MICU1: variants seen among roughly 807,000 people sequenced by gnomAD.
MICU1 encodes the protein calcium uptake protein 1, mitochondrial.
Under a neutral mutation model 56.8 loss-of-function variants are expected in MICU1, and 45 were observed. The ratio of observed to expected loss-of-function variants is 0.79; its 90% CI spans 0.62 to 1.02. The LOEUF (loss-of-function observed/expected upper bound fraction) is 1.02. Among genes scored for constraint, MICU1 ranks in the 50% least tolerant of loss-of-function variants. The pLI is 0.00. For synonymous variants in MICU1, 186 were observed against 195.1 expected (o/e 0.95, Z 0.39); for missense variants, 504 against 587.1 (o/e 0.86, Z 1.46).
At chr10:72,375,569 T>G (rs1862489222) in intron 11 of MICU1, among the ~76,000 whole-genome samples, 1 of 152,218 alleles carries the variant, frequency 6.6e-6, no homozygotes, top group African/African-American at 2.4e-5. Flanking sequence ...ATATTGGAAT[T>G]ATAAGAAGAA....
chr10:72,494,300 T>A (rs1175527680), intron 6 of MICU1, among the ~76,000 whole-genome samples: 1 of 152,096 alleles, frequency 6.6e-6, no homozygotes, highest in Non-Finnish European at 1.5e-5. Flanking sequence ...GGGTAGTTAG[T>A]CTCCATTAAA....
Position 72,507,786 on chromosome 10 carries a change from C to T in MICU1, c.652+369G>A, listed in dbSNP as rs559823822. On this transcript the variant is annotated intron_variant, in intron 6 of 11. Coordinates refer to ENST00000361114, the MANE Select transcript of MICU1 (RefSeq NM_001195518.2). ...TCAGCCTCCTAAGTAGCTAGGACTA[C>T]ACGTATGCTTTTGTAGAGATGGGGT... 7.9e-5 allele frequency among the ~76,000 whole-genome samples: 12 copies of T among 152,046 alleles called. No homozygotes were observed. The South Asian group carries it at 1.7e-3, about 21-fold the overall frequency.
intron 6 of MICU1, among the ~76,000 whole-genome samples, chr10:72,479,539 TG>T (rs1866225506): frequency 6.6e-6 from 1 of 152,210 alleles, no homozygotes; most frequent in Admixed American, 6.5e-5. Context: ...CATGTGTTTT[TG>T]TTTTTTGGGA....
intron 8 of MICU1, among the ~76,000 whole-genome samples, chr10:72,471,766 T>C (rs762504907): frequency 1.3e-5 from 2 of 152,188 alleles, no homozygotes; most frequent in Non-Finnish European, 2.9e-5. Context: ...AGTCTGGGTA[T>C]ATATGCATAC....
intron 10 of MICU1, 71 bp downstream of exon 10, chr10:72,407,858 G>A: frequency 1.0e-6 from 1 of 955,284 alleles, no homozygotes; most frequent in East Asian, 2.4e-5. Context: ...CTGTTCAGGA[G>A]GGGCAGTCAC....
intron 1 of MICU1, among the ~76,000 whole-genome samples, chr10:72,615,983 C>CAAAAAACAAAAAACAAAA (rs1554813363): frequency 6.6e-6 from 1 of 151,514 alleles, no homozygotes; most frequent in Non-Finnish European, 1.5e-5. Context: ...AGCGAGACTC[C>CAAAAAACAAAAAACAAAA]GTCTCAAAAA....
chr10:72,559,001 G>C (rs768345455), intron 3 of MICU1, among the ~76,000 whole-genome samples: 1 of 152,166 alleles, frequency 6.6e-6, no homozygotes, highest in Non-Finnish European at 1.5e-5. Flanking sequence ...CTGGGTGACA[G>C]AGCAAGACTC....
chr10:72,588,644 T>C (rs775794214), intron 1 of MICU1, among the ~76,000 whole-genome samples: 13 of 152,164 alleles, frequency 8.5e-5, no homozygotes, highest in Non-Finnish European at 1.9e-4. Context: ...AATGATACGA[T>C]AGTAAACCTG....
chr10:72,602,474 C>T (rs1386134221), intron 1 of MICU1, among the ~76,000 whole-genome samples: 1 of 151,790 alleles, frequency 6.6e-6, no homozygotes, highest in African/African-American at 2.4e-5. Context: ...TTCATACAAC[C>T]GAATAAACCT....
intron 10 of MICU1, among the ~76,000 whole-genome samples, chr10:72,399,750 G>T (rs1385820135): frequency 6.6e-6 from 1 of 152,134 alleles, no homozygotes; most frequent in African/African-American, 2.4e-5. Flanking sequence ...ATCACTTGAG[G>T]TCAGGAGTTT....
chr10:72,532,276 C>T (rs1839508392), intron 5 of MICU1, among the ~76,000 whole-genome samples: 1 of 151,582 alleles, frequency 6.6e-6, no homozygotes, highest in African/African-American at 2.4e-5. Flanking sequence ...CGAGATTGCT[C>T]CACTGCACTC....
intron 10 of MICU1, among the ~76,000 whole-genome samples, chr10:72,384,947 T>C (rs1339594936): frequency 6.6e-6 from 1 of 152,184 alleles, no homozygotes; most frequent in African/African-American, 2.4e-5. Context: ...ATCTCTTCCT[T>C]ACATGTCTTT....
chr10:72,433,033 G>C (rs1040236275), intron 8 of MICU1, among the ~76,000 whole-genome samples: 1 of 152,148 alleles, frequency 6.6e-6, no homozygotes, highest in Admixed American at 6.6e-5. Flanking sequence ...CGCCTCCCAG[G>C]TTCAAGTGAT....
intron 1 of MICU1, among the ~76,000 whole-genome samples, chr10:72,604,100 T>C (rs560240933): frequency 2.7e-4 from 41 of 152,128 alleles, no homozygotes; most frequent in Non-Finnish European, 4.7e-4. Flanking sequence ...AACGGAAGTC[T>C]CTTCCTATAT....
chr10:72,481,175 A>G (rs542653140), intron 6 of MICU1, among the ~76,000 whole-genome samples: 1 of 152,324 alleles, frequency 6.6e-6, no homozygotes, highest in South Asian at 2.1e-4. Flanking sequence ...TGATCATGTC[A>G]AAGCATATGG....
intron 10 of MICU1, among the ~76,000 whole-genome samples, chr10:72,406,189 GCAAA>G (rs1217868314): frequency 6.6e-6 from 1 of 151,958 alleles, no homozygotes; most frequent in East Asian, 1.9e-4. Context: ...AATATTAGCA[GCAAA>G]CAATTAGAAA....
At chr10:72,418,353 A>G (rs1178843927) in intron 9 of MICU1, among the ~76,000 whole-genome samples, 1 of 152,174 alleles carries the variant, frequency 6.6e-6, no homozygotes, top group Non-Finnish European at 1.5e-5. Flanking sequence ...CCAAACAACC[A>G]CATTCCTTAA....
intron 8 of MICU1, among the ~76,000 whole-genome samples, chr10:72,463,293 C>T (rs1329085238): frequency 6.6e-6 from 1 of 152,210 alleles, no homozygotes; most frequent in Non-Finnish European, 1.5e-5. Context: ...GAACTCCCAA[C>T]ATCAGGTGAT....
intron 1 of MICU1, among the ~76,000 whole-genome samples, chr10:72,583,655 A>AT (rs1840967147): frequency 6.6e-6 from 1 of 152,218 alleles, no homozygotes. Flanking sequence ...GAGGAATGGG[A>AT]TAAGCTACTA....
Sources: allele counts gnomAD v4.1 joint callset (sites outside exome capture counted in the v4.1 genomes callset), GRCh38; gene constraint gnomAD v4.1.1; transcripts MANE v1.5; gene names NCBI Gene and HGNC (gene_info 2026-07-23, HGNC 2026-07-21).